The following PGAM1 variants were observed in gnomAD, a reference collection of about 807,000 sequenced individuals.
The protein encoded by PGAM1 is phosphoglycerate mutase 1.
A neutral mutation model predicts 23.5 loss-of-function variants in PGAM1; 21 were observed. That is an observed-to-expected ratio of 0.89 (90% CI 0.63 to 1.29). The LOEUF (loss-of-function observed/expected upper bound fraction) is 1.29, where lower values mean the gene tolerates loss of function less well. Ranked by LOEUF, PGAM1 falls within the 50% of genes most tolerant of loss-of-function variation. PGAM1 has a pLI of 0.00. For missense variants in PGAM1, 232 were observed against 336.3 expected (o/e 0.69, Z 2.42); for synonymous variants, 109 against 128.6 (o/e 0.85, Z 1.03).
At chr10:97,426,547 G>A (rs748835553) in intron 1 of PGAM1, 101 bp downstream of exon 1, 217 of 1,386,758 alleles carry the variant, frequency 1.6e-4, no homozygotes, top group Non-Finnish European at 2.0e-4. Flanking sequence ...GGCACCTTGG[G>A]CAGCATCTCT....
At position 97,432,356 on chromosome 10, in the gene PGAM1, T is replaced by C. The variant is rs1307855815; in HGVS notation, c.597T>C (p.Gly199=). The C allele has an allele frequency of 6.2e-7, 1 of 1,612,104 alleles. No individual in the cohort carries two copies. The highest frequency in any genetic ancestry group is 1.7e-5 in the Admixed American group (1 of 60,016). The part of the protein sequence containing the change: ...SLRGIVKHLE[G]LSEEAIMELN... Reference sequence around the variant, plus strand: ...GCTGATGATGGTGGATGTTTTCAGGTCTCTCTGAAGAGGCTATCATGGAGC... The same window carrying C: ...GCTGATGATGGTGGATGTTTTCAGGCCTCTCTGAAGAGGCTATCATGGAGC... Residue 199 remains glycine (G), a splice_region_variant and synonymous_variant, in exon 4 of 4, where the codon GGT becomes GGC. Transcript: ENST00000334828.
chr10:97,426,279 A>G lies in PGAM1; in HGVS notation c.-29A>G, dbSNP rs756869437. ...TGCTACTCCGGAATCTGCTAATCCC[A>G]GTCGGTGCCGCATCCCCAGCCCGCC... On this transcript the variant is annotated 5_prime_UTR_variant, in exon 1 of 4. Transcript: ENST00000334828. The G allele has an allele frequency of 1.9e-6, 3 of 1,609,682 alleles. No individual in the cohort carries two copies. The highest frequency in any genetic ancestry group is 2.5e-6 in the Non-Finnish European group (3 of 1,179,152).
chr10:97,433,270 C>T lies in PGAM1; in HGVS notation c.*746C>T, dbSNP rs1253167621. ...GTGTGTGTATTAGAATCCCTTCCTG[C>T]CTTGTTTCATGGCAGTGAAATGCCT... On this transcript the variant is annotated 3_prime_UTR_variant, in exon 4 of 4. Coordinates refer to ENST00000334828, the MANE Select transcript of PGAM1 (RefSeq NM_002629.4). 1 of 151,124 alleles carries T rather than the reference C, an allele frequency of 6.6e-6. No individual in the cohort carries two copies. The highest frequency in any genetic ancestry group is 2.4e-5 in the African/African-American group (1 of 40,896). 9.4% of individuals were successfully genotyped at this position (151,124 alleles called of 1,614,324 possible). A position where few individuals can be genotyped will look rare whatever the true frequency, so the allele number is the denominator to read the frequency against.
At chr10:97,426,633 C>T (rs924679375) in intron 1 of PGAM1, among the ~76,000 whole-genome samples, 187 bp downstream of exon 1, 1 of 152,270 alleles carries the variant, frequency 6.6e-6, no homozygotes, top group Non-Finnish European at 1.5e-5. Context: ...CGCCGTGGAG[C>T]ATGAGGGGCT....
At chr10:97,429,092 C>CTTTTTTT (rs888329236) in intron 1 of PGAM1, among the ~76,000 whole-genome samples, 71 of 84,768 alleles carry the variant, frequency 8.4e-4, no homozygotes, top group Non-Finnish European at 9.3e-4. Context: ...AGACTGATTC[C>CTTTTTTT]TTTTTTTTTT....
rs1249542687 is a variant in PGAM1, at chr10:97,426,439, G to C, written c.132G>C (p.Ala44=). The stretch of plus-strand genomic sequence containing the variant: ...AGGAGGCGAAGCGCGGCGGGCAGGC[G>C]CTACGAGGTGCGGAGGGGCCGGGTG... ...GHEEAKRGGQ[A]LRDAGYEFDI... is the part of the protein sequence containing the mutation. The change falls in exon 1 of 4, where the codon GCG becomes GCC. Residue 44 remains alanine, a synonymous_variant. Coordinates refer to ENST00000334828, the MANE Select transcript of PGAM1 (RefSeq NM_002629.4). The C allele has an allele frequency of 2.4e-5, 39 of 1,601,000 alleles. No homozygotes were observed. Among genetic ancestry groups the C allele is most frequent in the Non-Finnish European group, 3.1e-5 (37 of 1,174,920 alleles).
At chr10:97,431,901 A>G (rs997482774) in intron 3 of PGAM1, among the ~76,000 whole-genome samples, 4 of 151,924 alleles carry the variant, frequency 2.6e-5, no homozygotes, top group Non-Finnish European at 4.4e-5. Flanking sequence ...AAAAAAAAAA[A>G]AAGGAAAACA....
chr10:97,428,147 A>T (rs754518937), intron 1 of PGAM1, among the ~76,000 whole-genome samples: 4 of 152,236 alleles, frequency 2.6e-5, no homozygotes, highest in Non-Finnish European at 4.4e-5. Flanking sequence ...GACTAATCAA[A>T]TAGTTAAACT....
At chr10:97,431,158 G>A (rs749359105) in intron 3 of PGAM1, 23 bp downstream of exon 3, 20 of 1,613,982 alleles carry the variant, frequency 1.2e-5, no homozygotes, top group South Asian at 4.4e-5. Context: ...TTTCAGAGGC[G>A]CCCTCAAGGA....
chr10:97,427,778 C>T, intron 1 of PGAM1: 1 of 1,288,582 alleles, frequency 7.8e-7, no homozygotes, highest in Non-Finnish European at 1.0e-6. Flanking sequence ...GGGGCAGATC[C>T]TCCTTTGCTC....
At chr10:97,427,694 C>A in intron 1 of PGAM1, 1 of 1,228,456 alleles carries the variant, frequency 8.1e-7, no homozygotes, top group Non-Finnish European at 1.0e-6. Context: ...TGTTGGAATG[C>A]TAATAAGGAA....
At chr10:97,426,760 G>T (rs1229910374) in intron 1 of PGAM1, among the ~76,000 whole-genome samples, 1 of 152,252 alleles carries the variant, frequency 6.6e-6, no homozygotes, top group Non-Finnish European at 1.5e-5. Context: ...CAGGCCGGGC[G>T]TGGTGGCTCA....
Position 97,431,029 on chromosome 10 carries a change from T to C in PGAM1, c.489T>C (p.Ala163=). Residue 163 remains alanine, a synonymous_variant, in exon 3 of 4, where the codon GCT becomes GCC. Coordinates refer to ENST00000334828, the MANE Select transcript of PGAM1 (RefSeq NM_002629.4). The stretch of plus-strand genomic sequence containing the variant: ...GTCTGAAGGATACTATTGCCAGAGC[T>C]CTGCCCTTCTGGAATGAAGAAATAG... ...CESLKDTIAR[A]LPFWNEEIVP... is the part of the protein sequence containing the mutation. 1.9e-6 allele frequency: 3 copies of C among 1,613,972 alleles called. No homozygotes were observed. Among genetic ancestry groups the C allele is most frequent in the Non-Finnish European group, 2.5e-6 (3 of 1,179,906 alleles).
In PGAM1 at chr10:97,432,338, A is replaced by G. The variant is rs1438358768; in HGVS notation, c.596-17A>G. On this transcript the variant is annotated splice_polypyrimidine_tract_variant and intron_variant, in intron 3 of 3. Coordinates refer to ENST00000334828, the MANE Select transcript of PGAM1 (RefSeq NM_002629.4). ...GGATTTATGTCTTGTGTGGCTGATG[A>G]TGGTGGATGTTTTCAGGTCTCTCTG... The G allele has an allele frequency of 6.2e-7, 1 of 1,612,090 alleles. No homozygotes were observed. The highest frequency in any genetic ancestry group is 1.1e-5 in the South Asian group (1 of 90,994).
chr10:97,427,846 G>A (rs1589455514), intron 1 of PGAM1: 4 of 1,289,076 alleles, frequency 3.1e-6, no homozygotes, highest in Non-Finnish European at 4.0e-6. Flanking sequence ...TGAGGCACAG[G>A]TATTTGGCCT....
At chr10:97,430,857 A>G (rs1845462829) in intron 2 of PGAM1, 98 bp from the exon 3 acceptor site, 3 of 1,544,390 alleles carry the variant, frequency 1.9e-6, no homozygotes, top group Middle Eastern at 1.7e-4. Context: ...ATTTTATAAA[A>G]CCCTGTGAAT....
chr10:97,427,420 C>A (rs944234010), intron 1 of PGAM1: 1 of 1,011,136 alleles, frequency 9.9e-7, no homozygotes, highest in South Asian at 3.9e-5. Flanking sequence ...GCTCCTTCTA[C>A]CCAATAAAGT....
At chr10:97,430,201 C>T (rs1845454219) in intron 1 of PGAM1, among the ~76,000 whole-genome samples, 178 bp from the exon 2 acceptor site, 2 of 152,070 alleles carry the variant, frequency 1.3e-5, no homozygotes, top group African/African-American at 4.8e-5. Flanking sequence ...AGGTTTTAAC[C>T]CACATAATAG....
chr10:97,429,355 C>T (rs1455089059), intron 1 of PGAM1, among the ~76,000 whole-genome samples: 3 of 152,136 alleles, frequency 2.0e-5, no homozygotes, highest in African/African-American at 4.8e-5. Flanking sequence ...CTGCCCACCT[C>T]GGCCTCCCAA....
Sources: gnomAD v4.1 joint callset for allele counts (sites outside exome capture counted in the v4.1 genomes callset) on GRCh38, gnomAD v4.1.1 for gene constraint, MANE v1.5 for transcripts, NCBI Gene and HGNC (gene_info 2026-07-23, HGNC 2026-07-21) for gene names.